SNTG1: variants seen among roughly 807,000 people sequenced by gnomAD.
SNTG1 encodes the protein syntrophin gamma 1.
Under a neutral mutation model 74.7 loss-of-function variants are expected in SNTG1, and 39 were observed. The ratio of observed to expected loss-of-function variants is 0.52; its 90% CI spans 0.40 to 0.68. The LOEUF (loss-of-function observed/expected upper bound fraction) is 0.68, where lower values mean the gene tolerates loss of function less well. SNTG1 is among the 30% of genes least tolerant of loss of function. SNTG1 has a pLI of 0.00. For missense variants in SNTG1, 685 were observed against 609.5 expected, an observed-to-expected ratio of 1.12 and a Z score of -1.30; for synonymous variants, 254 against 217.1, an observed-to-expected ratio of 1.17 and a Z score of -1.49.
chr8:50,283,104 G>A (rs1289817182), intron 2 of SNTG1, among the ~76,000 whole-genome samples: 1 of 152,106 alleles, frequency 6.6e-6, no homozygotes, highest in African/African-American at 2.4e-5. Context: ...TTTCCTTGAA[G>A]CCAAAAAATA....
At chr8:50,453,770 C>T (rs1030303180) in intron 8 of SNTG1, among the ~76,000 whole-genome samples, 1 of 152,228 alleles carries the variant, frequency 6.6e-6, no homozygotes, top group African/African-American at 2.4e-5. Context: ...TATTCCCCCT[C>T]CGTGGGCACT....
At chr8:50,455,551 G>A (rs2131647318) in intron 8 of SNTG1, among the ~76,000 whole-genome samples, 1 of 152,252 alleles carries the variant, frequency 6.6e-6, no homozygotes, top group African/African-American at 2.4e-5. Flanking sequence ...AACAAATGCT[G>A]ATAAAACCTA....
At chr8:50,396,576 A>G (rs980821184) in intron 3 of SNTG1, among the ~76,000 whole-genome samples, 1 of 152,218 alleles carries the variant, frequency 6.6e-6, no homozygotes, top group African/African-American at 2.4e-5. Context: ...AACAAATTAA[A>G]TCGTATTTGG....
chr8:49,982,813 G>T (rs1585762913), intron 1 of SNTG1, among the ~76,000 whole-genome samples: 1 of 152,138 alleles, frequency 6.6e-6, no homozygotes, highest in East Asian at 1.9e-4. Context: ...TAACACTTAT[G>T]TCCATGTTTC....
chr8:50,722,410 A>G (rs2095489978), intron 17 of SNTG1, among the ~76,000 whole-genome samples: 1 of 151,934 alleles, frequency 6.6e-6, no homozygotes, highest in South Asian at 2.1e-4. Context: ...TCCTGACCTC[A>G]ACTGATCCTC....
chr8:50,501,575 A>G (rs1469406358), intron 8 of SNTG1, among the ~76,000 whole-genome samples: 2 of 149,780 alleles, frequency 1.3e-5, no homozygotes, highest in African/African-American at 4.9e-5. Flanking sequence ...AGCTAGGATT[A>G]CAGACGCCTG....
chr8:49,921,846 A>C (rs952822761), intron 1 of SNTG1, among the ~76,000 whole-genome samples: 5 of 152,314 alleles, frequency 3.3e-5, no homozygotes, highest in African/African-American at 7.2e-5. Flanking sequence ...TAAAATAGTC[A>C]ATAGTTGCTC....
At chr8:50,188,211 A>T (rs774363183) in intron 2 of SNTG1, among the ~76,000 whole-genome samples, 12 of 152,258 alleles carry the variant, frequency 7.9e-5, no homozygotes, top group African/African-American at 1.4e-4. Context: ...CTCCTTCCCT[A>T]GACTTCCTTG....
intron 12 of SNTG1, among the ~76,000 whole-genome samples, chr8:50,589,482 A>G (rs2094677529): frequency 6.6e-6 from 1 of 152,030 alleles, no homozygotes; most frequent in South Asian, 2.1e-4. Context: ...CTCAACCACT[A>G]CTTTCTATCC....
intron 9 of SNTG1, among the ~76,000 whole-genome samples, chr8:50,529,373 G>T (rs747728486): frequency 6.6e-6 from 1 of 151,834 alleles, no homozygotes; most frequent in Non-Finnish European, 1.5e-5. Flanking sequence ...CTGTTTTTTA[G>T]CACATGGACT....
At chr8:50,515,156 G>A (rs2094120232) in intron 9 of SNTG1, among the ~76,000 whole-genome samples, 1 of 152,014 alleles carries the variant, frequency 6.6e-6, no homozygotes, top group Admixed American at 6.6e-5. Context: ...GCATATCTTG[G>A]AGATATTGCC....
intron 13 of SNTG1, among the ~76,000 whole-genome samples, chr8:50,595,019 GATGTGTGT>G (rs1343429131): frequency 3.7e-5 from 3 of 81,724 alleles, no homozygotes; most frequent in African/African-American, 1.7e-4. Flanking sequence ...CTTTATTGAA[GATGTGTGT>G]GTGTGTGTGT....
At chr8:50,629,108 A>C (rs1236188758) in intron 13 of SNTG1, among the ~76,000 whole-genome samples, 2 of 152,120 alleles carry the variant, frequency 1.3e-5, no homozygotes, top group Non-Finnish European at 2.9e-5. Context: ...CAAAGGGTAT[A>C]AGCTTTCAGT....
At chr8:49,985,296 T>A (rs1023874357) in intron 1 of SNTG1, among the ~76,000 whole-genome samples, 1 of 152,154 alleles carries the variant, frequency 6.6e-6, no homozygotes, top group Non-Finnish European at 1.5e-5. Flanking sequence ...CGCATCGCCA[T>A]GCCTGGCTAT....
intron 2 of SNTG1, among the ~76,000 whole-genome samples, chr8:50,377,577 CT>C (rs960186030): frequency 4.6e-5 from 7 of 152,022 alleles, no homozygotes; most frequent in Middle Eastern, 3.4e-3. Flanking sequence ...GTTGAAAAGA[CT>C]TTTTTTATAG....
intron 13 of SNTG1, among the ~76,000 whole-genome samples, chr8:50,602,248 A>G (rs1376751530): frequency 6.6e-6 from 1 of 151,868 alleles, no homozygotes; most frequent in Non-Finnish European, 1.5e-5. Flanking sequence ...TGGTGGTATG[A>G]TTTAAATTCT....
chr8:50,493,236 TA>T (rs2093874224), intron 8 of SNTG1, among the ~76,000 whole-genome samples: 1 of 152,176 alleles, frequency 6.6e-6, no homozygotes, highest in African/African-American at 2.4e-5. Flanking sequence ...CTTCTATGCA[TA>T]TGATCCTTTA....
chr8:50,753,491 T>C (rs1468117941), intron 18 of SNTG1, among the ~76,000 whole-genome samples: 1 of 151,968 alleles, frequency 6.6e-6, no homozygotes, highest in African/African-American at 2.4e-5. Context: ...ATTCAGTTGC[T>C]TACCCCAACA....
At chr8:50,289,965 G>T (rs984916201) in intron 2 of SNTG1, among the ~76,000 whole-genome samples, 1 of 152,178 alleles carries the variant, frequency 6.6e-6, no homozygotes, top group African/African-American at 2.4e-5. Context: ...TTGGGCATCT[G>T]TTGAAGAACA....
Sources: gnomAD v4.1 joint callset for allele counts (sites outside exome capture counted in the v4.1 genomes callset) on GRCh38, gnomAD v4.1.1 for gene constraint, MANE v1.5 for transcripts, NCBI Gene and HGNC (gene_info 2026-07-23, HGNC 2026-07-21) for gene names.